Variants in LATS2 observed in about 807,000 individuals in gnomAD.
The protein encoded by LATS2 is serine/threonine-protein kinase LATS2.
In LATS2, 24 loss-of-function variants were observed where a neutral mutation model predicts 76.0. That is an observed-to-expected ratio of 0.32 (90% confidence interval 0.23 to 0.44). The LOEUF (loss-of-function observed/expected upper bound fraction) is 0.44, where lower values mean the gene tolerates loss of function less well. Ranked by LOEUF, LATS2 falls within the 20% of genes least tolerant of loss-of-function variation. LATS2 has a pLI of 1.00. For missense variants in LATS2, 1,286 were observed against 1,481.2 expected, an observed-to-expected ratio of 0.87 and a Z score of 2.16; for synonymous variants, 692 against 635.4, an observed-to-expected ratio of 1.09 and a Z score of -1.34.
chr13:20,984,489 A>G lies in LATS2; in HGVS notation c.1900-683T>C, dbSNP rs538926429. Among the ~76,000 whole-genome samples the G allele has an allele frequency of 5.4e-4, 83 of 152,296 alleles. No homozygotes were observed. The South Asian group carries it at 0.017, about 30-fold the overall frequency. On this transcript the variant is annotated intron_variant, in intron 4 of 7. Coordinates refer to ENST00000382592, the MANE Select transcript of LATS2 (RefSeq NM_014572.3). ...TACAAAAATCAGTAGCATACATTAG[A>G]TAGACTTGTATATGGTGAGAGATAG...
intron 2 of LATS2, among the ~76,000 whole-genome samples, chr13:21,014,976 G>A (rs773654040): frequency 2.6e-4 from 39 of 152,310 alleles, no homozygotes; most frequent in South Asian, 4.1e-4. Context: ...TGTGAGCTCC[G>A]GGAGGGCAGG....
At chr13:21,023,478 G>A (rs1442829652) in intron 2 of LATS2, among the ~76,000 whole-genome samples, 1 of 151,566 alleles carries the variant, frequency 6.6e-6, no homozygotes, top group African/African-American at 2.4e-5. Flanking sequence ...ACGGACCCCT[G>A]CACTTCCCGT....
chr13:21,022,497 G>T (rs571541848), intron 2 of LATS2, among the ~76,000 whole-genome samples: 4 of 152,172 alleles, frequency 2.6e-5, no homozygotes, highest in Non-Finnish European at 5.9e-5. Flanking sequence ...ATCCTGCAAA[G>T]ATTGGTCCAG....
At chr13:21,058,308 C>T (rs1014576294) in intron 1 of LATS2, among the ~76,000 whole-genome samples, 1 of 152,126 alleles carries the variant, frequency 6.6e-6, no homozygotes, top group African/African-American at 2.4e-5. Context: ...AGCAGCTTTT[C>T]GAAAATGGTG....
intron 4 of LATS2, among the ~76,000 whole-genome samples, chr13:20,984,975 A>C (rs1870076087): frequency 6.6e-6 from 1 of 152,232 alleles, no homozygotes; most frequent in Admixed American, 6.5e-5. Context: ...AATGGAACAG[A>C]ATAGAGAACC....
chr13:21,007,547 A>AC (rs1871313746), intron 2 of LATS2, among the ~76,000 whole-genome samples: 2 of 2,528 alleles, frequency 7.9e-4, no homozygotes, highest in South Asian at 0.014. Context: ...TATATATAGT[A>AC]TATATATATA....
chr13:20,974,590 T>C lies in LATS2; in HGVS notation c.*280A>G. The C allele has an allele frequency of 2.8e-6, 1 of 351,388 alleles. No homozygotes were observed. Among genetic ancestry groups the C allele is most frequent in the Admixed American group, 4.3e-5 (1 of 23,274 alleles). 21.8% of individuals were successfully genotyped at this position (351,388 alleles called of 1,614,324 possible). A position where few individuals can be genotyped will look rare whatever the true frequency, so the allele number is the denominator to read the frequency against. ...CTATAATTTAGTAAGAAAAAATGGATATAAACAAAATAAGTGCTCTTTCTA... is the reference window on the plus strand; with the variant it reads ...CTATAATTTAGTAAGAAAAAATGGACATAAACAAAATAAGTGCTCTTTCTA... On this transcript the variant is annotated 3_prime_UTR_variant, in exon 8 of 8. Transcript: ENST00000382592.
intron 2 of LATS2, among the ~76,000 whole-genome samples, chr13:21,025,268 T>C (rs564534763): frequency 2.0e-5 from 3 of 149,320 alleles, no homozygotes; most frequent in Non-Finnish European, 4.4e-5. Flanking sequence ...GGCAAGCACC[T>C]ATAATCCCAG....
intron 2 of LATS2, among the ~76,000 whole-genome samples, chr13:21,033,897 A>G (rs2138383989): frequency 6.6e-6 from 1 of 152,192 alleles, no homozygotes; most frequent in East Asian, 1.9e-4. Context: ...ACCCAAATAT[A>G]TATCAAAACC....
In LATS2 at chr13:21,045,742, T is replaced by A. The variant is rs753567261; in HGVS notation, c.285A>T (p.Ala95=). The stretch of plus-strand genomic sequence containing the variant: ...GCATTTGCCGGTTCACTTCTGCAGC[T>A]GCAGAGGTGCCCGATTCATTAGCAA... The part of the protein sequence containing the change: ...LPFANESGTS[A]AAEVNRQMLQ... Residue 95 remains alanine (A), a synonymous_variant, in exon 2 of 8, where the codon GCA becomes GCT. Coordinates refer to ENST00000382592, the MANE Select transcript of LATS2 (RefSeq NM_014572.3). 64 of 1,614,130 alleles carry A rather than the reference T, an allele frequency of 4.0e-5. 1 individual carries two copies. The highest frequency in any genetic ancestry group is 3.2e-4 in the South Asian group (29 of 91,090).
At chr13:21,059,782 C>G (rs1311169250) in intron 1 of LATS2, among the ~76,000 whole-genome samples, 1 of 152,016 alleles carries the variant, frequency 6.6e-6, no homozygotes, top group Non-Finnish European at 1.5e-5. Context: ...GCCTGGCCAA[C>G]ACGGCGAAAC....
intron 2 of LATS2, among the ~76,000 whole-genome samples, chr13:21,034,439 C>CCTT (rs1872627124): frequency 6.6e-6 from 1 of 152,146 alleles, no homozygotes; most frequent in South Asian, 2.1e-4. Flanking sequence ...TGGGGAAGCT[C>CCTT]CTTGACAAAA....
At chr13:21,052,959 G>A (rs377710938) in intron 1 of LATS2, among the ~76,000 whole-genome samples, 114 of 152,162 alleles carry the variant, frequency 7.5e-4, no homozygotes, top group African/African-American at 2.3e-3. Flanking sequence ...ACGCTGGGCC[G>A]GGCACGGTGG....
At chr13:20,983,084 C>T (rs548283118) in intron 5 of LATS2, 140 bp downstream of exon 5, 1 of 597,214 alleles carries the variant, frequency 1.7e-6, no homozygotes. Flanking sequence ...AAGGATGTCA[C>T]ACCAATTTAT....
At chr13:21,023,416 T>A (rs1872151755) in intron 2 of LATS2, among the ~76,000 whole-genome samples, 1 of 151,690 alleles carries the variant, frequency 6.6e-6, no homozygotes. Context: ...AAGACATTTT[T>A]AAAAAACTTG....
At chr13:20,975,859 T>C (rs560253789) in intron 7 of LATS2, among the ~76,000 whole-genome samples, 3 of 152,176 alleles carry the variant, frequency 2.0e-5, no homozygotes, top group African/African-American at 7.2e-5. Context: ...GATTTTTGTA[T>C]TTTTAGTAGA....
chr13:21,010,201 A>ACAAACAAAC (rs148603382), intron 2 of LATS2, among the ~76,000 whole-genome samples: 4,983 of 150,718 alleles, frequency 0.033, 113 homozygotes, highest in East Asian at 0.06. Context: ...CTCTGTCAAA[A>ACAAACAAAC]AAACAAACAA....
At chr13:20,980,523 G>A (rs1239345347) in intron 6 of LATS2, among the ~76,000 whole-genome samples, 2 of 152,246 alleles carry the variant, frequency 1.3e-5, no homozygotes, top group Admixed American at 1.3e-4. Context: ...CATATGCCAG[G>A]GTAGCCCCCT....
chr13:20,977,290 G>A (rs1869664829), intron 7 of LATS2, among the ~76,000 whole-genome samples: 1 of 151,868 alleles, frequency 6.6e-6, no homozygotes, highest in African/African-American at 2.4e-5. Flanking sequence ...AGCTGCTTGG[G>A]AGGCTGAGGC....
Sources: gnomAD v4.1 joint callset for allele counts (sites outside exome capture counted in the v4.1 genomes callset) on GRCh38, gnomAD v4.1.1 for gene constraint, MANE v1.5 for transcripts, NCBI Gene and HGNC (gene_info 2026-07-23, HGNC 2026-07-21) for gene names.